ADD1: variants seen among roughly 807,000 people sequenced by gnomAD.
The protein encoded by ADD1 is alpha-adducin.
In ADD1, 24 loss-of-function variants were observed where a neutral mutation model predicts 80.5. The ratio of observed to expected loss-of-function variants is 0.30; its 90% CI spans 0.22 to 0.42. ADD1 has a LOEUF of 0.42. Among genes scored for constraint, ADD1 ranks in the 10% least tolerant of loss-of-function variants. The pLI is 1.00. For synonymous variants in ADD1, 373 were observed against 393.8 expected, an observed-to-expected ratio of 0.95 and a Z score of 0.63; for missense variants, 948 against 1,019.0, an observed-to-expected ratio of 0.93 and a Z score of 0.95.
chr4:2,859,346 AAAAT>A (rs1385657341), intron 1 of ADD1, among the ~76,000 whole-genome samples: 1 of 152,228 alleles, frequency 6.6e-6, no homozygotes, highest in Non-Finnish European at 1.5e-5. Context: ...TTCTTATTGA[AAAAT>A]AAAATTATAG....
At chr4:2,927,941 A>C (rs2109241504) in intron 15 of ADD1, among the ~76,000 whole-genome samples, 1 of 152,278 alleles carries the variant, frequency 6.6e-6, no homozygotes, top group East Asian at 1.9e-4. Flanking sequence ...TTGTCAGCAC[A>C]CTGCCCACCA....
At chr4:2,860,175 C>G (rs1728648564) in intron 1 of ADD1, among the ~76,000 whole-genome samples, 1 of 152,076 alleles carries the variant, frequency 6.6e-6, no homozygotes, top group Non-Finnish European at 1.5e-5. Flanking sequence ...TAGAAATCTC[C>G]TTTTCTTCTT....
chr4:2,892,774 C>CA (rs929103578), intron 4 of ADD1, among the ~76,000 whole-genome samples: 70 of 151,048 alleles, frequency 4.6e-4, no homozygotes, highest in Non-Finnish European at 5.9e-4. Flanking sequence ...GTTGAGGCTG[C>CA]AGTGAGCATG....
intron 1 of ADD1, among the ~76,000 whole-genome samples, chr4:2,861,404 A>G (rs953694625): frequency 2.0e-5 from 3 of 152,150 alleles, no homozygotes; most frequent in Admixed American, 6.5e-5. Context: ...ATATATTAAT[A>G]CCTTTATGGA....
chr4:2,853,736 T>G (rs1409868416), intron 1 of ADD1: 1 of 152,098 alleles, frequency 6.6e-6, no homozygotes, highest in East Asian at 1.9e-4. Flanking sequence ...CCCAAGTAGC[T>G]GGGATTACAG....
In ADD1 at chr4:2,898,221, C is replaced by T. The variant is rs1344117422; in HGVS notation, c.779C>T (p.Pro260Leu). The T allele has an allele frequency of 3.7e-6, 6 of 1,614,012 alleles. No homozygotes were observed. Among genetic ancestry groups the T allele is most frequent in the South Asian group, 1.1e-5 (1 of 91,076 alleles). ...AMKCGLLPIS[P>L]EALSLGEVAY... ...AAATGTGGCCTCTTGCCAATCTCCC[C>T]GGAGGCGCTTTCCCTTGGAGAAGTG... is the stretch of plus-strand genomic sequence containing the variant. The change falls in exon 7 of 16, where the codon CCG becomes CTG. Residue 260 changes from proline to leucine, a missense_variant. Physicochemically the swap from Pro to Leu is moderately conservative, Grantham distance 98 (BLOSUM62 -3). Transcript: ENST00000683351.
intron 6 of ADD1, among the ~76,000 whole-genome samples, chr4:2,895,798 C>G (rs1251332268): frequency 1.3e-5 from 2 of 152,108 alleles, no homozygotes; most frequent in Admixed American, 1.3e-4. Context: ...AAGCACAGTA[C>G]TTGAGAAGTA....
chr4:2,873,021 T>C (rs1355985978), intron 1 of ADD1, among the ~76,000 whole-genome samples: 1 of 152,010 alleles, frequency 6.6e-6, no homozygotes, highest in Admixed American at 6.6e-5. Context: ...TAAGACGGAG[T>C]CTTACTCTGT....
rs149857349 is a variant in ADD1, at chr4:2,921,287, C to G, written c.1949-4727C>G. ...GGACTACAGGTGCACGCCAGCATGC[C>G]CAGCTAATTTTTTTGTATTTTTAGT... On this transcript the variant is annotated intron_variant, in intron 14 of 15. Transcript: ENST00000683351. 3.6e-3 allele frequency among the ~76,000 whole-genome samples: 548 copies of G among 152,226 alleles called. 3 individuals carry two copies. The highest frequency in any genetic ancestry group is 6.0e-3 in the Non-Finnish European group (411 of 68,010).
intron 2 of ADD1, among the ~76,000 whole-genome samples, chr4:2,877,855 A>C (rs1386333668): frequency 2.0e-5 from 3 of 152,226 alleles, no homozygotes; most frequent in Non-Finnish European, 2.9e-5. Flanking sequence ...ATGCCCCGGC[A>C]ATCCCAGCTA....
chr4:2,850,593 T>C (rs191283602), intron 1 of ADD1, among the ~76,000 whole-genome samples: 3 of 152,228 alleles, frequency 2.0e-5, no homozygotes, highest in Admixed American at 6.5e-5. Flanking sequence ...GCCCGGCTAA[T>C]TTTTTGTATT....
intron 13 of ADD1, among the ~76,000 whole-genome samples, chr4:2,914,304 CAG>C (rs529348054): frequency 6.6e-5 from 10 of 152,320 alleles, no homozygotes; most frequent in South Asian, 6.2e-4. Context: ...TACAAATTTT[CAG>C]AGTTTTCCAA....
At chr4:2,890,254 C>A (rs1291457006) in intron 4 of ADD1, among the ~76,000 whole-genome samples, 2 of 150,226 alleles carry the variant, frequency 1.3e-5, no homozygotes, top group Non-Finnish European at 3.0e-5. Flanking sequence ...AAAAGACAAA[C>A]CAGTATAAAA....
At chr4:2,845,516 G>A (rs1340390175) in intron 1 of ADD1, among the ~76,000 whole-genome samples, 1 of 152,184 alleles carries the variant, frequency 6.6e-6, no homozygotes, top group Admixed American at 6.5e-5. Flanking sequence ...TGGACAGCTG[G>A]TATGATTTGT....
intron 13 of ADD1, among the ~76,000 whole-genome samples, chr4:2,913,035 A>G (rs918933156): frequency 6.6e-6 from 1 of 151,572 alleles, no homozygotes; most frequent in Non-Finnish European, 1.5e-5. Context: ...TTTAGTAGAG[A>G]CAGGTTTTCG....
chr4:2,888,400 AATTATTATT>A (rs34400467), intron 4 of ADD1, among the ~76,000 whole-genome samples: 47 of 139,958 alleles, frequency 3.4e-4, no homozygotes, highest in East Asian at 1.7e-3. Context: ...GTAATAATGA[AATTATTATT>A]ATTATTATTA....
intron 9 of ADD1, chr4:2,900,798 C>G (rs1736050965): frequency 6.6e-6 from 1 of 152,170 alleles, no homozygotes; most frequent in Admixed American, 6.6e-5. Flanking sequence ...CAGGGACGAA[C>G]AGAGAAGGCA....
At chr4:2,850,816 C>T (rs1306343560) in intron 1 of ADD1, among the ~76,000 whole-genome samples, 6 of 152,142 alleles carry the variant, frequency 3.9e-5, no homozygotes, top group Non-Finnish European at 7.4e-5. Flanking sequence ...GTGACCCACC[C>T]GCCTCGGCCT....
At chr4:2,902,120 G>C (rs1019697217) in intron 9 of ADD1, 3 of 151,930 alleles carry the variant, frequency 2.0e-5, no homozygotes, top group African/African-American at 2.4e-5. Flanking sequence ...TTCTGGTTTT[G>C]GTTTAACAGC....
Sources: gnomAD v4.1 joint callset for allele counts (sites outside exome capture counted in the v4.1 genomes callset) on GRCh38, gnomAD v4.1.1 for gene constraint, MANE v1.5 for transcripts, NCBI Gene and HGNC (gene_info 2026-07-23, HGNC 2026-07-21) for gene names.